CNTN5: variants seen among roughly 807,000 people sequenced by gnomAD.
CNTN5 encodes contactin 5, also known as contactin-5.
Under a neutral mutation model 129.1 loss-of-function variants are expected in CNTN5, and 77 were observed. The observed-to-expected ratio is 0.60, with a 90% CI of 0.50 to 0.72. CNTN5 has a LOEUF of 0.72. CNTN5 is among the 30% of genes least tolerant of loss of function. CNTN5 has a pLI of 0.00. For missense variants in CNTN5, 1,478 were observed against 1,328.8 expected (o/e 1.11, Z -1.75); for synonymous variants, 509 against 465.6 (o/e 1.09, Z -1.20).
At chr11:99,224,152 T>G (rs1438610154) in intron 1 of CNTN5, among the ~76,000 whole-genome samples, 1 of 152,180 alleles carries the variant, frequency 6.6e-6, no homozygotes, top group African/African-American at 2.4e-5. Flanking sequence ...AATAGAAATG[T>G]GAAATATTTT....
At chr11:100,128,450 A>C (rs561793740) in intron 13 of CNTN5, among the ~76,000 whole-genome samples, 4 of 152,288 alleles carry the variant, frequency 2.6e-5, no homozygotes, top group South Asian at 4.1e-4. Flanking sequence ...AGAACCTGTA[A>C]GTATGTCACT....
At chr11:100,213,916 G>A (rs1171043050) in intron 15 of CNTN5, among the ~76,000 whole-genome samples, 1 of 152,020 alleles carries the variant, frequency 6.6e-6, no homozygotes, top group Admixed American at 6.6e-5. Context: ...TCAGAAACTT[G>A]TTTCTAAGCA....
chr11:100,103,462 T>C (rs1336703914), intron 13 of CNTN5, among the ~76,000 whole-genome samples: 1 of 152,206 alleles, frequency 6.6e-6, no homozygotes, highest in Non-Finnish European at 1.5e-5. Context: ...TATTACATTT[T>C]TCTTGTTAAA....
At chr11:99,743,235 CAAAT>C (rs1943941200) in intron 3 of CNTN5, among the ~76,000 whole-genome samples, 1 of 152,152 alleles carries the variant, frequency 6.6e-6, no homozygotes, top group Non-Finnish European at 1.5e-5. Flanking sequence ...TATGCATACA[CAAAT>C]AACAAGTATA....
chr11:99,541,250 G>C (rs1211602184), intron 2 of CNTN5, among the ~76,000 whole-genome samples: 1 of 151,856 alleles, frequency 6.6e-6, no homozygotes, highest in Non-Finnish European at 1.5e-5. Context: ...AGCTTCCATT[G>C]AATTTTAATA....
At chr11:99,279,981 C>T (rs1216840741) in intron 1 of CNTN5, among the ~76,000 whole-genome samples, 1 of 150,888 alleles carries the variant, frequency 6.6e-6, no homozygotes, top group Non-Finnish European at 1.5e-5. Flanking sequence ...TATATCTGTT[C>T]TTTACAATCG....
chr11:99,679,508 T>C (rs1405255834), intron 3 of CNTN5, among the ~76,000 whole-genome samples: 1 of 152,116 alleles, frequency 6.6e-6, no homozygotes, highest in Non-Finnish European at 1.5e-5. Context: ...TTGATGTTAC[T>C]ATTGTAATTT....
intron 7 of CNTN5, among the ~76,000 whole-genome samples, chr11:99,925,445 C>T (rs1245046728): frequency 1.3e-5 from 2 of 152,188 alleles, no homozygotes; most frequent in African/African-American, 4.8e-5. Context: ...CCTTTTAACA[C>T]TCCTTCATTG....
intron 1 of CNTN5, among the ~76,000 whole-genome samples, chr11:99,256,902 C>T (rs1476969974): frequency 1.3e-5 from 2 of 151,960 alleles, no homozygotes; most frequent in African/African-American, 4.8e-5. Context: ...AAAAAAAGGA[C>T]AAGTAAATGT....
At chr11:99,514,502 C>T (rs113135895) in intron 2 of CNTN5, among the ~76,000 whole-genome samples, 3,911 of 151,984 alleles carry the variant, frequency 0.026, 64 homozygotes, top group Middle Eastern at 0.072. Flanking sequence ...AACTTCTTTG[C>T]TTATTGTAAG....
intron 7 of CNTN5, among the ~76,000 whole-genome samples, chr11:99,926,061 C>T (rs1306719846): frequency 6.6e-6 from 1 of 152,102 alleles, no homozygotes; most frequent in Non-Finnish European, 1.5e-5. Context: ...GCATTGTTGT[C>T]AGAATTAAGA....
intron 18 of CNTN5, among the ~76,000 whole-genome samples, chr11:100,288,605 A>G (rs1369595778): frequency 3.3e-5 from 5 of 152,126 alleles, no homozygotes; most frequent in Non-Finnish European, 7.4e-5. Flanking sequence ...ACACATTCAA[A>G]GCAGTGTGTA....
At chr11:99,970,978 CAA>C (rs1175320942) in intron 8 of CNTN5, among the ~76,000 whole-genome samples, 5 of 152,130 alleles carry the variant, frequency 3.3e-5, no homozygotes, top group Admixed American at 6.5e-5. Context: ...TCCAAGAATG[CAA>C]ATGATTTGCC....
intron 3 of CNTN5, among the ~76,000 whole-genome samples, chr11:99,808,126 T>A (rs766492685): frequency 1.2e-4 from 18 of 152,300 alleles, no homozygotes; most frequent in Non-Finnish European, 2.1e-4. Context: ...AGTAGTAGAA[T>A]TTGTGATGCA....
intron 3 of CNTN5, among the ~76,000 whole-genome samples, chr11:99,791,058 T>C (rs567103991): frequency 1.7e-4 from 26 of 152,260 alleles, no homozygotes; most frequent in African/African-American, 6.3e-4. Flanking sequence ...CTTAGTCAGA[T>C]GCATAGTTTG....
chr11:100,312,806 A>G (rs1951495227), intron 21 of CNTN5, among the ~76,000 whole-genome samples: 1 of 152,134 alleles, frequency 6.6e-6, no homozygotes, highest in Admixed American at 6.6e-5. Context: ...AAACTAGAGA[A>G]GACAGTGTTT....
At chr11:99,637,077 C>T (rs11220773) in intron 3 of CNTN5, among the ~76,000 whole-genome samples, 1 of 113,742 alleles carries the variant, frequency 8.8e-6, no homozygotes, top group Non-Finnish European at 1.9e-5. Context: ...GGCACTGTCA[C>T]TTTGATGGTT....
intron 2 of CNTN5, among the ~76,000 whole-genome samples, chr11:99,489,290 T>C (rs547842239): frequency 6.6e-6 from 1 of 152,146 alleles, no homozygotes; most frequent in Admixed American, 6.5e-5. Context: ...TAGAGAGTCA[T>C]GTAACTGGAT....
intron 7 of CNTN5, among the ~76,000 whole-genome samples, chr11:99,952,542 A>AT (rs1950701771): frequency 2.0e-5 from 3 of 151,856 alleles, no homozygotes; most frequent in African/African-American, 4.8e-5. Context: ...TTTATTTTTT[A>AT]TTTTTTTGAT....
Sources: allele counts gnomAD v4.1 joint callset (sites outside exome capture counted in the v4.1 genomes callset), GRCh38; gene constraint gnomAD v4.1.1; transcripts MANE v1.5; gene names NCBI Gene and HGNC (gene_info 2026-07-23, HGNC 2026-07-21).